DNAI7: variants seen among roughly 807,000 people sequenced by gnomAD.
DNAI7 encodes dynein axonemal intermediate chain 7.
DNAI7 carries 78 observed loss-of-function variants against 86.6 expected under a neutral mutation model. The ratio of observed to expected loss-of-function variants is 0.90; its 90% CI spans 0.75 to 1.09. The LOEUF (loss-of-function observed/expected upper bound fraction) is 1.09. Among genes scored for constraint, DNAI7 ranks in the 50% least tolerant of loss-of-function variants. The pLI is 0.00. For synonymous variants in DNAI7, 274 were observed against 273.0 expected (o/e 1.00, Z -0.04); for missense variants, 753 against 810.2 (o/e 0.93, Z 0.86).
At chr12:25,107,885 G>A, downstream of DNAI7, 1 of 1,614,152 alleles carries the variant, frequency 6.2e-7, no homozygotes, top group Non-Finnish European at 8.5e-7. Flanking sequence ...AAGGCCCTCT[G>A]GCTCTCTATT....
chr12:25,173,529 G>A (rs566666328), intron 2 of DNAI7, among the ~76,000 whole-genome samples: 185 of 152,194 alleles, frequency 1.2e-3, no homozygotes, highest in Non-Finnish European at 2.2e-3. Flanking sequence ...CAGCCACTAT[G>A]GAAAACAGTG....
intron 9 of DNAI7, among the ~76,000 whole-genome samples, chr12:25,126,735 T>C (rs1942189453): frequency 6.6e-6 from 1 of 152,214 alleles, no homozygotes. Context: ...AGGTGGCCTT[T>C]GGCATTATTT....
At chr12:25,159,265 A>G (rs768100158) in intron 3 of DNAI7, among the ~76,000 whole-genome samples, 3 of 152,132 alleles carry the variant, frequency 2.0e-5, no homozygotes, top group Non-Finnish European at 4.4e-5. Flanking sequence ...CCCCTACTTA[A>G]TTTGAGAATA....
chr12:25,162,450 G>T (rs1031319679), intron 2 of DNAI7, among the ~76,000 whole-genome samples: 2 of 152,208 alleles, frequency 1.3e-5, no homozygotes, highest in African/African-American at 4.8e-5. Context: ...AAGCAGATAC[G>T]AAAGCAATTT....
At chr12:25,170,817 C>G (rs950527123) in intron 2 of DNAI7, among the ~76,000 whole-genome samples, 4 of 152,140 alleles carry the variant, frequency 2.6e-5, no homozygotes, top group Admixed American at 2.6e-4. Flanking sequence ...GAAATCAACT[C>G]CAAAAGAAAT....
rs1306150552 is a variant in DNAI7 at position 25,149,764 on chromosome 12, T to C, written c.449A>G (p.Lys150Arg). 6.6e-7 allele frequency: 1 copy of C among 1,504,854 alleles called. No homozygotes were observed. Among genetic ancestry groups the C allele is most frequent in the South Asian group, 1.2e-5 (1 of 86,474 alleles). The allele number at this position is 1,504,854 out of a possible 1,614,324, so 93.2% of individuals were successfully genotyped here. ...KSKVVLNLIE[K>R]LKFILLETPP... is the part of the protein sequence containing the mutation. ...AGTTTCCAGTAAAATAAATTTCAATTTCTCAATTAACTGTAAAGTAAAAGA... is the reference window on the plus strand; with the variant it reads ...AGTTTCCAGTAAAATAAATTTCAATCTCTCAATTAACTGTAAAGTAAAAGA... Residue 150 changes from lysine to arginine, a missense_variant, in exon 7 of 16, where the codon AAA becomes AGA. By Grantham distance (26) the Lys-to-Arg change is conservative (BLOSUM62 2). Transcript: ENST00000395987.
intron 8 of DNAI7, among the ~76,000 whole-genome samples, chr12:25,146,363 G>C (rs11047862): frequency 1.3e-5 from 2 of 151,900 alleles, no homozygotes; most frequent in East Asian, 3.9e-4. Context: ...TTGGAAGGCC[G>C]AGGCAGGCTG....
intron 3 of DNAI7, among the ~76,000 whole-genome samples, chr12:25,159,693 A>G (rs1946619969): frequency 6.6e-6 from 1 of 152,154 alleles, no homozygotes; most frequent in Admixed American, 6.5e-5. Flanking sequence ...TAAAAACAAA[A>G]TGTGAAGTAC....
intron 2 of DNAI7, among the ~76,000 whole-genome samples, chr12:25,172,385 T>TTTTATGTC (rs1436935537): frequency 6.6e-6 from 1 of 151,964 alleles, no homozygotes; most frequent in Non-Finnish European, 1.5e-5. Context: ...CTTAGGAATA[T>TTTTATGTC]ACCTAACCAA....
chr12:25,122,473 GAGA>G (rs142782332), intron 10 of DNAI7, among the ~76,000 whole-genome samples: 10 of 144,524 alleles, frequency 6.9e-5, no homozygotes, highest in South Asian at 2.1e-4. Flanking sequence ...AAAAAAGAAG[GAGA>G]AGAAGAAGAA....
chr12:25,154,502 C>A, intron 5 of DNAI7, 46 bp from the exon 6 acceptor site: 1 of 1,564,818 alleles, frequency 6.4e-7, no homozygotes, highest in Non-Finnish European at 8.6e-7. Flanking sequence ...GAAGATTCAA[C>A]CAAAGATTAA....
rs1949463484 is a variant in DNAI7, at chr12:25,108,754, T to G, written c.1963A>C (p.Arg655=). Residue 655 remains arginine, a synonymous_variant, in exon 16 of 16, where the codon AGA becomes CGA. Coordinates refer to ENST00000395987, the MANE Select transcript of DNAI7 (RefSeq NM_018272.5). ...NWALLMFSGD[R]AQRLKIKEES... ...TCCTTGATCTTCAGTCTTTGTGCTCTGTCACCACTAAACATTAAAAGGGCC... is the reference window on the plus strand; with the variant it reads ...TCCTTGATCTTCAGTCTTTGTGCTCGGTCACCACTAAACATTAAAAGGGCC... 6.7e-6 allele frequency: 10 copies of G among 1,490,854 alleles called. No homozygotes were observed. In the South Asian group the frequency reaches 1.1e-4, roughly 17 times the overall value. 92.4% of individuals were successfully genotyped at this position (1,490,854 alleles called of 1,614,324 possible).
chr12:25,108,098 G>A (rs1004687442), downstream of DNAI7: 4 of 1,597,196 alleles, frequency 2.5e-6, no homozygotes, highest in African/African-American at 5.4e-5. Flanking sequence ...TGATTTTTAA[G>A]TTTCAGTATC....
In DNAI7 at chr12:25,110,213, G is replaced by T. The variant is rs775335971; in HGVS notation, c.1807C>A (p.Arg603=). The change falls in exon 15 of 16, where the codon CGA becomes AGA. Residue 603 remains arginine, a synonymous_variant. Coordinates refer to ENST00000395987, the MANE Select transcript of DNAI7 (RefSeq NM_018272.5). ...GCAGAACTTAGTAGGGCCATCTGTC[G>T]ATAAGCTTTCACTTCTACCAAAGGA... ...KVPLVEVKAY[R]QMALLSSAFA... 1.9e-6 allele frequency: 3 copies of T among 1,609,740 alleles called. No individual in the cohort carries two copies. Among genetic ancestry groups the T allele is most frequent in the Non-Finnish European group, 2.6e-6 (3 of 1,176,106 alleles).
intron 3 of DNAI7, among the ~76,000 whole-genome samples, chr12:25,159,565 A>G (rs1312642534): frequency 6.6e-6 from 1 of 152,242 alleles, no homozygotes; most frequent in Non-Finnish European, 1.5e-5. Context: ...TTAACCAATA[A>G]GGTATGGCAG....
intron 10 of DNAI7, among the ~76,000 whole-genome samples, chr12:25,122,744 T>C (rs890085378): frequency 2.6e-5 from 4 of 152,222 alleles, no homozygotes; most frequent in Admixed American, 2.6e-4. Context: ...TTTTCAGTTG[T>C]GTATGTGTAC....
chr12:25,117,660 T>C (rs1435861479), intron 12 of DNAI7, among the ~76,000 whole-genome samples: 1 of 152,194 alleles, frequency 6.6e-6, no homozygotes. Flanking sequence ...TCACTGTAGA[T>C]ACTTATAATT....
At chr12:25,185,137 C>G (rs553461408) in intron 2 of DNAI7, among the ~76,000 whole-genome samples, 2 of 151,992 alleles carry the variant, frequency 1.3e-5, no homozygotes, top group Non-Finnish European at 2.9e-5. Context: ...GATCCTGTCT[C>G]TAAAATAAAA....
chr12:25,145,005 C>T lies in DNAI7; in HGVS notation c.690-328G>A, dbSNP rs146146201. ...CCTTTTTCTCCTCTCCCTCAACATA[C>T]ACTCTCTGGATATTTTTACTTCTGT... On this transcript the variant is annotated intron_variant, in intron 8 of 15. Transcript: ENST00000395987. Among the ~76,000 whole-genome samples, 1,003 of 152,274 alleles carry T rather than the reference C, an allele frequency of 6.6e-3. 4 individuals carry two copies. The highest frequency in any genetic ancestry group is 0.011 in the South Asian group (52 of 4,826).
Sources: gnomAD v4.1 joint callset for allele counts (sites outside exome capture counted in the v4.1 genomes callset) on GRCh38, gnomAD v4.1.1 for gene constraint, MANE v1.5 for transcripts, NCBI Gene and HGNC (gene_info 2026-07-23, HGNC 2026-07-21) for gene names.